Variants in MYOF observed in about 807,000 individuals in gnomAD.
MYOF encodes the protein myoferlin.
In MYOF, 244 loss-of-function variants were observed where a neutral mutation model predicts 284.2. The observed-to-expected ratio is 0.86, with a 90% CI of 0.77 to 0.95. The LOEUF (loss-of-function observed/expected upper bound fraction) is 0.95. Among genes scored for constraint, MYOF ranks in the 40% least tolerant of loss-of-function variants. The probability of loss-of-function intolerance (pLI) is 0.00; values close to 1 mark genes in which losing one functional copy is unlikely to be tolerated. For missense variants in MYOF, 2,496 were observed against 2,560.6 expected, an observed-to-expected ratio of 0.97 and a Z score of 0.54; for synonymous variants, 904 against 919.7, an observed-to-expected ratio of 0.98 and a Z score of 0.31.
chr10:93,402,372 A>G, intron 10 of MYOF, 25 bp from the exon 11 acceptor site: 1 of 1,555,286 alleles, frequency 6.4e-7, no homozygotes, highest in South Asian at 1.1e-5. Flanking sequence ...GAGTAAAAGG[A>G]AATGGACATG....
At chr10:93,338,881 A>AC (rs1170272032) in intron 39 of MYOF, among the ~76,000 whole-genome samples, 3 of 148,536 alleles carry the variant, frequency 2.0e-5, no homozygotes, top group Non-Finnish European at 4.5e-5. Context: ...TTCTTATCAG[A>AC]CCCCCTCTTT....
intron 32 of MYOF, among the ~76,000 whole-genome samples, chr10:93,352,075 A>C (rs892852784): frequency 3.9e-5 from 6 of 152,152 alleles, no homozygotes; most frequent in Non-Finnish European, 8.8e-5. Context: ...CACTCTTTAG[A>C]GTATGTCCCC....
In MYOF at chr10:93,391,430, A is replaced by G. The variant is rs1589491010; in HGVS notation, c.1456+1487T>C. 2.6e-5 allele frequency among the ~76,000 whole-genome samples: 4 copies of G among 151,690 alleles called. No individual in the cohort carries two copies. The South Asian group carries it at 8.3e-4, about 32-fold the overall frequency. ...AACATGGCGAAACCCCATCTCTACT[A>G]AAAACACAAAAAAAATTAGCCAGGC... On this transcript the variant is annotated intron_variant, in intron 17 of 53. Transcript: ENST00000359263.
chr10:93,448,031 C>G (rs1037818825), intron 3 of MYOF, among the ~76,000 whole-genome samples: 2 of 152,102 alleles, frequency 1.3e-5, no homozygotes, highest in African/African-American at 4.8e-5. Flanking sequence ...CGTGCCTTGG[C>G]CCCCAAAGCC....
At chr10:93,415,916 C>T (rs947833090) in intron 5 of MYOF, among the ~76,000 whole-genome samples, 2 of 152,190 alleles carry the variant, frequency 1.3e-5, no homozygotes, top group Non-Finnish European at 2.9e-5. Flanking sequence ...TCCATTTTTC[C>T]TGCCCCTCTT....
At chr10:93,406,614 A>T (rs1264088233) in intron 7 of MYOF, among the ~76,000 whole-genome samples, 1 of 151,348 alleles carries the variant, frequency 6.6e-6, no homozygotes, top group Non-Finnish European at 1.5e-5. Context: ...GCCTTCCCTG[A>T]AGTCCATTTC....
Position 93,347,684 on chromosome 10 carries a change from G to A in MYOF, c.4182C>T (p.Ile1394=), listed in dbSNP as rs375294400. The change falls in exon 37 of 54, where the codon ATC becomes ATT. Residue 1394 remains isoleucine (I), a synonymous_variant. Coordinates refer to ENST00000359263, the MANE Select transcript of MYOF (RefSeq NM_013451.4). ...GRKPVVGQCT[I]ERLDRFRCDP... The stretch of plus-strand genomic sequence containing the variant: ...CACAGCGAAAGCGGTCCAGGCGCTC[G>A]ATGGTGCACTGGCCGACGACAGGCT... The A allele has an allele frequency of 3.0e-5, 48 of 1,613,996 alleles. No homozygotes were observed. The highest frequency in any genetic ancestry group is 3.7e-5 in the Non-Finnish European group (44 of 1,180,044).
At chr10:93,402,375 T>C (rs531008797) in intron 10 of MYOF, 28 bp from the exon 11 acceptor site, 16 of 1,546,318 alleles carry the variant, frequency 1.0e-5, no homozygotes, top group Middle Eastern at 1.9e-4. Context: ...TAAAAGGAAA[T>C]GGACATGCTA....
chr10:93,399,108 GT>G (rs1285554911), intron 13 of MYOF, among the ~76,000 whole-genome samples: 1 of 152,172 alleles, frequency 6.6e-6, no homozygotes, highest in Non-Finnish European at 1.5e-5. Context: ...TTAAGATAAC[GT>G]TTGGACCTGA....
intron 5 of MYOF, among the ~76,000 whole-genome samples, chr10:93,411,640 C>A (rs894595151): frequency 3.9e-5 from 6 of 152,084 alleles, no homozygotes; most frequent in African/African-American, 1.4e-4. Flanking sequence ...GCAGGGGTCC[C>A]AAAGTGAGGA....
chr10:93,363,608 G>A (rs113647281), intron 27 of MYOF, among the ~76,000 whole-genome samples: 76 of 152,354 alleles, frequency 5.0e-4, no homozygotes, highest in African/African-American at 1.6e-3. Flanking sequence ...TGAGGTTAGA[G>A]TGAGCTATGA....
intron 29 of MYOF, among the ~76,000 whole-genome samples, chr10:93,358,320 G>A (rs981398136): frequency 6.6e-6 from 1 of 152,184 alleles, no homozygotes; most frequent in African/African-American, 2.4e-5. Context: ...TGAGGCTGTG[G>A]AGAAATAGGA....
chr10:93,454,784 C>T (rs1269468164), intron 2 of MYOF, among the ~76,000 whole-genome samples: 1 of 152,030 alleles, frequency 6.6e-6, no homozygotes, highest in East Asian at 1.9e-4. Flanking sequence ...TCAAGACCAG[C>T]CTGGGCAACA....
At chr10:93,348,077 C>T (rs550643280) in intron 36 of MYOF, among the ~76,000 whole-genome samples, 1 of 152,244 alleles carries the variant, frequency 6.6e-6, no homozygotes, top group Admixed American at 6.5e-5. Context: ...GTGAAGAGTA[C>T]TTAGAATAGT....
chr10:93,465,356 G>A (rs1046775287), intron 1 of MYOF, among the ~76,000 whole-genome samples: 2 of 152,056 alleles, frequency 1.3e-5, no homozygotes, highest in Admixed American at 1.3e-4. Flanking sequence ...TCTCCATGAC[G>A]GAGTAAATTG....
At chr10:93,336,431 G>C (rs952690257) in intron 40 of MYOF, among the ~76,000 whole-genome samples, 3 of 152,188 alleles carry the variant, frequency 2.0e-5, no homozygotes, top group Non-Finnish European at 4.4e-5. Context: ...ACAACCACAT[G>C]ATGAGTCTCA....
At chr10:93,445,056 T>C (rs1158263738) in intron 3 of MYOF, among the ~76,000 whole-genome samples, 5 of 152,240 alleles carry the variant, frequency 3.3e-5, no homozygotes, top group Non-Finnish European at 7.3e-5. Context: ...GTGGAGCTTA[T>C]AAAAGGTAGC....
rs767149665 is a variant in MYOF at position 93,387,918 on chromosome 10, A to C, written c.1582-5T>G. Reference sequence around the variant, plus strand: ...TCTGTAGGCAACTCCTTCCCCCTGAAAGGCAATAATCCAGGATTATTCCTC... The same window carrying C: ...TCTGTAGGCAACTCCTTCCCCCTGACAGGCAATAATCCAGGATTATTCCTC... On this transcript the variant is annotated splice_region_variant and splice_polypyrimidine_tract_variant and intron_variant, in intron 18 of 53. Coordinates refer to ENST00000359263, the MANE Select transcript of MYOF (RefSeq NM_013451.4). 6.2e-7 allele frequency: 1 copy of C among 1,607,916 alleles called. No individual in the cohort carries two copies. Among genetic ancestry groups the C allele is most frequent in the Non-Finnish European group, 8.5e-7 (1 of 1,174,668 alleles).
chr10:93,390,595 T>C (rs1846628490), intron 17 of MYOF, among the ~76,000 whole-genome samples: 1 of 152,190 alleles, frequency 6.6e-6, no homozygotes, highest in African/African-American at 2.4e-5. Flanking sequence ...CTATTATACA[T>C]GAACATATAA....
Sources: allele counts gnomAD v4.1 joint callset (sites outside exome capture counted in the v4.1 genomes callset), GRCh38; gene constraint gnomAD v4.1.1; transcripts MANE v1.5; gene names NCBI Gene and HGNC (gene_info 2026-07-23, HGNC 2026-07-21).